Variants in ADAMTSL3 observed in about 807,000 individuals in gnomAD.
ADAMTSL3 encodes ADAMTS-like protein 3.
ADAMTSL3 carries 128 observed loss-of-function variants against 201.7 expected under a neutral mutation model. The ratio of observed to expected loss-of-function variants is 0.63; its 90% CI spans 0.55 to 0.73. The LOEUF is 0.73. Among genes scored for constraint, ADAMTSL3 ranks in the 30% least tolerant of loss-of-function variants. The pLI is 0.00. For synonymous variants in ADAMTSL3, 738 were observed against 748.4 expected (o/e 0.99, Z 0.23); for missense variants, 1,990 against 2,119.6 (o/e 0.94, Z 1.20).
chr15:83,822,100 G>A (rs56377798), intron 6 of ADAMTSL3, among the ~76,000 whole-genome samples: 14,231 of 140,456 alleles, frequency 0.1, 871 homozygotes, highest in East Asian at 0.32. Flanking sequence ...CTCACCTCCC[G>A]GACGGGGCGC....
intron 8 of ADAMTSL3, among the ~76,000 whole-genome samples, chr15:83,859,448 C>G (rs1266004661): frequency 2.0e-5 from 3 of 152,106 alleles, no homozygotes; most frequent in African/African-American, 7.2e-5. Flanking sequence ...GCCGGTGGAT[C>G]CATTTGGTAG....
At chr15:83,710,078 G>C (rs1278642169) in intron 3 of ADAMTSL3, among the ~76,000 whole-genome samples, 3 of 152,180 alleles carry the variant, frequency 2.0e-5, no homozygotes, top group Non-Finnish European at 4.4e-5. Flanking sequence ...TTCCAAGCAT[G>C]TAGGACAAGT....
intron 3 of ADAMTSL3, among the ~76,000 whole-genome samples, chr15:83,733,521 C>T (rs911083397): frequency 2.1e-4 from 32 of 152,080 alleles, no homozygotes; most frequent in Non-Finnish European, 2.9e-5. Context: ...GGGCTGTGTG[C>T]ATTACATGGG....
chr15:83,683,192 G>A (rs1275260123), intron 2 of ADAMTSL3, among the ~76,000 whole-genome samples: 1 of 152,166 alleles, frequency 6.6e-6, no homozygotes, highest in Admixed American at 6.5e-5. Context: ...ATGAAGATAG[G>A]TATTACTGAG....
intron 9 of ADAMTSL3, among the ~76,000 whole-genome samples, chr15:83,882,857 T>A (rs774971359): frequency 6.6e-6 from 1 of 152,134 alleles, no homozygotes; most frequent in Non-Finnish European, 1.5e-5. Context: ...TTTTTGTTTA[T>A]GCTTTTTGTT....
intron 3 of ADAMTSL3, among the ~76,000 whole-genome samples, chr15:83,755,847 G>A (rs368533471): frequency 6.6e-6 from 1 of 151,704 alleles, no homozygotes; most frequent in South Asian, 2.1e-4. Context: ...TCCACCTTCC[G>A]CCTTCCAGGT....
chr15:84,026,957 A>G (rs1055659208), intron 27 of ADAMTSL3, among the ~76,000 whole-genome samples: 2 of 152,244 alleles, frequency 1.3e-5, no homozygotes, highest in Middle Eastern at 3.2e-3. Context: ...TGTGCTGCAA[A>G]GGAAACCATC....
chr15:83,890,917 A>T (rs1348612786), intron 11 of ADAMTSL3: 3 of 158,160 alleles, frequency 1.9e-5, no homozygotes, highest in Non-Finnish European at 4.1e-5. Context: ...AGCCTGGTTG[A>T]ACATAATTAT....
intron 19 of ADAMTSL3, among the ~76,000 whole-genome samples, chr15:83,955,334 T>C (rs1323117511): frequency 1.3e-5 from 2 of 152,170 alleles, no homozygotes; most frequent in Non-Finnish European, 2.9e-5. Flanking sequence ...CAGGCTACCA[T>C]TGCTGATCAC....
intron 6 of ADAMTSL3, among the ~76,000 whole-genome samples, chr15:83,828,958 G>A (rs1393461863): frequency 1.3e-5 from 2 of 152,094 alleles, no homozygotes; most frequent in Non-Finnish European, 2.9e-5. Flanking sequence ...CTGCATCGAT[G>A]TTCATCAGGG....
At chr15:84,029,068 C>A (rs1596554694) in intron 27 of ADAMTSL3, among the ~76,000 whole-genome samples, 1 of 152,072 alleles carries the variant, frequency 6.6e-6, no homozygotes, top group Non-Finnish European at 1.5e-5. Context: ...TCAGGTATTT[C>A]TTTATAGAAG....
chr15:83,746,822 C>T (rs1034750915), intron 3 of ADAMTSL3, among the ~76,000 whole-genome samples: 7 of 152,018 alleles, frequency 4.6e-5, no homozygotes, highest in African/African-American at 1.7e-4. Flanking sequence ...CATGATTGTA[C>T]CACTGCACTC....
intron 3 of ADAMTSL3, among the ~76,000 whole-genome samples, chr15:83,714,155 C>T (rs1673003447): frequency 6.6e-6 from 1 of 152,194 alleles, no homozygotes; most frequent in Non-Finnish European, 1.5e-5. Context: ...GCCAACTGTC[C>T]TGGCTTTCCT....
At chr15:84,026,151 A>G (rs2068302944) in intron 27 of ADAMTSL3, among the ~76,000 whole-genome samples, 1 of 152,224 alleles carries the variant, frequency 6.6e-6, no homozygotes, top group Admixed American at 6.5e-5. Context: ...TGTCATGAGT[A>G]AAATAGTACA....
At chr15:83,881,854 C>CA (rs2065277998) in intron 9 of ADAMTSL3, among the ~76,000 whole-genome samples, 1 of 149,444 alleles carries the variant, frequency 6.7e-6, no homozygotes, top group South Asian at 2.1e-4. Context: ...GACTCCCTCT[C>CA]AAAAAAAGAA....
intron 19 of ADAMTSL3, among the ~76,000 whole-genome samples, 199 bp downstream of exon 19, chr15:83,943,281 C>G (rs2066597796): frequency 6.6e-6 from 1 of 152,128 alleles, no homozygotes; most frequent in Non-Finnish European, 1.5e-5. Flanking sequence ...GATTCATTTC[C>G]AGTTTTTACT....
chr15:83,804,731 A>G (rs772217585), intron 5 of ADAMTSL3, 36 bp downstream of exon 5: 3 of 1,483,522 alleles, frequency 2.0e-6, no homozygotes, highest in Non-Finnish European at 2.7e-6. Flanking sequence ...ATCCAATACA[A>G]TATGTGCTTG....
Position 83,838,607 on chromosome 15 carries a change from A to G in ADAMTSL3, c.727+392A>G, listed in dbSNP as rs114453886. The stretch of plus-strand genomic sequence containing the variant: ...AGTTAGCTACTGAAGCCATTTATCA[A>G]TTTTCCTATTTGGATGTAGATCTTT... On this transcript the variant is annotated intron_variant, in intron 7 of 29. Transcript: ENST00000286744. Among the ~76,000 whole-genome samples, 1,332 of 152,268 alleles carry G rather than the reference A, an allele frequency of 8.7e-3. 13 individuals are homozygous for G. Among genetic ancestry groups the G allele is most frequent in the African/African-American group, 0.03 (1,248 of 41,554 alleles).
chr15:83,822,898 G>A (rs2141924210), intron 6 of ADAMTSL3, among the ~76,000 whole-genome samples: 1 of 152,174 alleles, frequency 6.6e-6, no homozygotes, highest in Non-Finnish European at 1.5e-5. Flanking sequence ...ACTCCAGCCT[G>A]GGCACCATTG....
Sources: gnomAD v4.1 joint callset for allele counts (sites outside exome capture counted in the v4.1 genomes callset) on GRCh38, gnomAD v4.1.1 for gene constraint, MANE v1.5 for transcripts, NCBI Gene and HGNC (gene_info 2026-07-23, HGNC 2026-07-21) for gene names.